The following ADGRB3 variants were observed in gnomAD, a reference collection of about 807,000 sequenced individuals.
The protein encoded by ADGRB3 is brain-specific angiogenesis inhibitor 3.
ADGRB3 carries 37 observed loss-of-function variants against 193.4 expected under a neutral mutation model. That is an observed-to-expected ratio of 0.19 (90% CI 0.15 to 0.25). The LOEUF is 0.25. ADGRB3 is among the 10% of genes least tolerant of loss of function. The pLI, the probability that ADGRB3 is intolerant of heterozygous loss-of-function variation, is 1.00. For missense variants in ADGRB3, 1,637 were observed against 1,852.9 expected, an observed-to-expected ratio of 0.88 and a Z score of 2.14; for synonymous variants, 690 against 644.2, an observed-to-expected ratio of 1.07 and a Z score of -1.08.
At chr6:69,135,494 G>T (rs1278456753) in intron 17 of ADGRB3, among the ~76,000 whole-genome samples, 1 of 151,918 alleles carries the variant, frequency 6.6e-6, no homozygotes, top group South Asian at 2.1e-4. Context: ...GTCGTAGTAA[G>T]CCAGGGAAAA....
intron 3 of ADGRB3, among the ~76,000 whole-genome samples, chr6:68,676,057 A>G (rs1769078254): frequency 6.6e-6 from 1 of 152,122 alleles, no homozygotes; most frequent in Admixed American, 6.5e-5. Context: ...ATTTGTATGT[A>G]TTTACACAAA....
chr6:68,686,147 C>T (rs958173075), intron 3 of ADGRB3, among the ~76,000 whole-genome samples: 2 of 152,176 alleles, frequency 1.3e-5, no homozygotes, highest in Admixed American at 1.3e-4. Context: ...CCATCAAACT[C>T]TTGCAAAATT....
intron 3 of ADGRB3, among the ~76,000 whole-genome samples, chr6:68,766,482 T>C (rs1287151792): frequency 2.0e-5 from 3 of 152,012 alleles, no homozygotes; most frequent in Non-Finnish European, 4.4e-5. Flanking sequence ...TTTTAGATCT[T>C]GAATTGCAGA....
At chr6:68,636,530 CT>C (rs529577267) in intron 1 of ADGRB3, among the ~76,000 whole-genome samples, 81 of 151,932 alleles carry the variant, frequency 5.3e-4, no homozygotes, top group African/African-American at 1.7e-3. Context: ...CCCACCCCTT[CT>C]TTAAGAGGGA....
At chr6:68,710,732 C>T (rs763355295) in intron 3 of ADGRB3, among the ~76,000 whole-genome samples, 9 of 152,078 alleles carry the variant, frequency 5.9e-5, no homozygotes, top group African/African-American at 1.4e-4. Context: ...ACCCTGGCTC[C>T]AACCCTGATT....
chr6:68,952,746 T>G (rs1313375013), intron 6 of ADGRB3, among the ~76,000 whole-genome samples: 1 of 152,032 alleles, frequency 6.6e-6, no homozygotes, highest in African/African-American at 2.4e-5. Flanking sequence ...AAATGCCCAC[T>G]TGATGTATCT....
chr6:69,370,786 G>T (rs1181827965), intron 29 of ADGRB3, among the ~76,000 whole-genome samples: 1 of 152,050 alleles, frequency 6.6e-6, no homozygotes, highest in East Asian at 1.9e-4. Context: ...TATTAAGAAA[G>T]AATCTTGCTT....
chr6:68,809,395 T>C (rs1011251320), intron 3 of ADGRB3, among the ~76,000 whole-genome samples: 1 of 152,238 alleles, frequency 6.6e-6, no homozygotes, highest in Non-Finnish European at 1.5e-5. Context: ...CCAACATATT[T>C]ACTATAAATC....
intron 26 of ADGRB3, among the ~76,000 whole-genome samples, chr6:69,344,147 T>C (rs1769036207): frequency 6.6e-6 from 1 of 152,188 alleles, no homozygotes; most frequent in Non-Finnish European, 1.5e-5. Flanking sequence ...AATAAAACTC[T>C]TTCACTAAAT....
chr6:69,168,425 C>T (rs1775185692), intron 17 of ADGRB3, among the ~76,000 whole-genome samples: 1 of 152,066 alleles, frequency 6.6e-6, no homozygotes, highest in South Asian at 2.1e-4. Flanking sequence ...TACTAATTAC[C>T]TGAATATTTA....
At chr6:68,895,798 A>C (rs1308889843) in intron 3 of ADGRB3, among the ~76,000 whole-genome samples, 1 of 151,920 alleles carries the variant, frequency 6.6e-6, no homozygotes. Flanking sequence ...TTCCTCCTGA[A>C]TTGTCATTAT....
At chr6:68,646,623 C>G (rs553851690) in intron 3 of ADGRB3, among the ~76,000 whole-genome samples, 8 of 151,866 alleles carry the variant, frequency 5.3e-5, no homozygotes, top group African/African-American at 1.7e-4. Context: ...TTGTTTTTTA[C>G]CTTTCATAAA....
intron 3 of ADGRB3, among the ~76,000 whole-genome samples, chr6:68,726,735 T>G (rs1319750762): frequency 6.6e-6 from 1 of 151,678 alleles, no homozygotes; most frequent in Non-Finnish European, 1.5e-5. Flanking sequence ...CCTACATGTC[T>G]TTTTGTTAGA....
At chr6:69,048,422 A>C in intron 14 of ADGRB3, 88 bp downstream of exon 14, 1 of 1,295,374 alleles carries the variant, frequency 7.7e-7, no homozygotes, top group South Asian at 1.4e-5. Context: ...TCATACATTA[A>C]ACAGTTTAGA....
rs544722324 is a variant in ADGRB3, at chr6:68,749,113, T to TGCC, written c.757+109681_757+109682insGCC. The stretch of plus-strand genomic sequence containing the variant: ...CTTTTTCCTCCTGGGCCTCTTGGTC[T>TGCC]ATGATGGGAGGGGCTGCCATGAAGG... On this transcript the variant is annotated intron_variant, in intron 3 of 31. Transcript: ENST00000370598. 3.9e-4 allele frequency among the ~76,000 whole-genome samples: 59 copies of TGCC among 152,268 alleles called. No individual in the cohort carries two copies. In the South Asian group the frequency reaches 0.012, roughly 30 times the overall value.
intron 3 of ADGRB3, among the ~76,000 whole-genome samples, chr6:68,787,601 T>C (rs1767003072): frequency 6.6e-6 from 1 of 152,210 alleles, no homozygotes; most frequent in Admixed American, 6.5e-5. Context: ...TCAAGAATAT[T>C]GGTCTAAAAT....
chr6:69,234,881 C>T (rs1766226308), intron 18 of ADGRB3, 151 bp from the exon 19 acceptor site: 3 of 578,632 alleles, frequency 5.2e-6, no homozygotes, highest in South Asian at 4.4e-5. Context: ...GTTGAGAATG[C>T]AAGAACAGAG....
intron 3 of ADGRB3, among the ~76,000 whole-genome samples, chr6:68,870,948 T>G (rs1207827407): frequency 6.6e-6 from 1 of 152,202 alleles, no homozygotes; most frequent in Non-Finnish European, 1.5e-5. Context: ...TTGACACTAA[T>G]CTAGCTTCTG....
chr6:69,305,002 C>A lies in ADGRB3; in HGVS notation c.2815-19870C>A, dbSNP rs563946443. On this transcript the variant is annotated intron_variant, in intron 20 of 31. Coordinates refer to ENST00000370598, the MANE Select transcript of ADGRB3 (RefSeq NM_001704.3). ...CAACATGTCTGAGTGTGAATCTCAG[C>A]ATGGCTCATTACATTTTACGGGACC... Among the ~76,000 whole-genome samples the A allele has an allele frequency of 5.9e-5, 9 of 151,570 alleles. 1 individual carries two copies. Among genetic ancestry groups the A allele is most frequent in the African/African-American group, 2.2e-4 (9 of 41,178 alleles).
Sources: gnomAD v4.1 joint callset for allele counts (sites outside exome capture counted in the v4.1 genomes callset) on GRCh38, gnomAD v4.1.1 for gene constraint, MANE v1.5 for transcripts, NCBI Gene and HGNC (gene_info 2026-07-23, HGNC 2026-07-21) for gene names.